The following MBD2 variants were observed in gnomAD, a reference collection of about 807,000 sequenced individuals.
MBD2 encodes methyl-CpG binding domain protein 2.
In MBD2, 9 loss-of-function variants were observed where a neutral mutation model predicts 39.3. That is an observed-to-expected ratio of 0.23 (90% CI 0.14 to 0.40). MBD2 has a LOEUF of 0.40. Among genes scored for constraint, MBD2 ranks in the 10% least tolerant of loss-of-function variants. The pLI is 1.00. For synonymous variants in MBD2, 233 were observed against 211.1 expected (o/e 1.10, Z -0.90); for missense variants, 458 against 532.6 (o/e 0.86, Z 1.38).
Position 54,189,026 on chromosome 18 carries a change from G to A in MBD2, c.703-15C>T, listed in dbSNP as rs758479176. The A allele has an allele frequency of 5.3e-6, 8 of 1,521,910 alleles. No homozygotes were observed. The highest frequency in any genetic ancestry group is 3.6e-5 in the Admixed American group (2 of 55,202). 94.3% of individuals were successfully genotyped at this position (1,521,910 alleles called of 1,614,324 possible). A position where few individuals can be genotyped will look rare whatever the true frequency, so the allele number is the denominator to read the frequency against. On this transcript the variant is annotated splice_polypyrimidine_tract_variant and intron_variant, in intron 2 of 6. Coordinates refer to ENST00000256429, the MANE Select transcript of MBD2 (RefSeq NM_003927.5). ...TCTGGTTTACCCTGTGAATATAAAT[G>A]TATTTTTATTTAAAATATTATATAT... is the stretch of plus-strand genomic sequence containing the variant.
intron 2 of MBD2, among the ~76,000 whole-genome samples, chr18:54,201,776 T>G (rs2086409652): frequency 6.8e-6 from 1 of 147,354 alleles, no homozygotes; most frequent in Non-Finnish European, 1.5e-5. Flanking sequence ...GGCAGGAGAA[T>G]GGCGTGAACC....
rs1432580616 is a variant in MBD2 at position 54,154,046 on chromosome 18, C to T, written c.*1278G>A. ...CATGTGGAATTGGTCATACCCCTGACTGCATCATTTAGGTTCTAATTTTAA... is the reference window on the plus strand; with the variant it reads ...CATGTGGAATTGGTCATACCCCTGATTGCATCATTTAGGTTCTAATTTTAA... On this transcript the variant is annotated 3_prime_UTR_variant, in exon 7 of 7. Transcript: ENST00000256429. The T allele has an allele frequency of 6.6e-6, 1 of 152,160 alleles. No homozygotes were observed. The highest frequency in any genetic ancestry group is 1.5e-5 in the Non-Finnish European group (1 of 68,020). 9.4% of individuals were successfully genotyped at this position (152,160 alleles called of 1,614,324 possible).
chr18:54,190,654 A>C (rs1253222062), intron 2 of MBD2, among the ~76,000 whole-genome samples: 1 of 152,216 alleles, frequency 6.6e-6, no homozygotes, highest in African/African-American at 2.4e-5. Context: ...GTGACCAGAA[A>C]TATGCCACAG....
chr18:54,168,609 A>T (rs2086154909), intron 3 of MBD2, among the ~76,000 whole-genome samples: 1 of 106,172 alleles, frequency 9.4e-6, no homozygotes, highest in Non-Finnish European at 1.8e-5. Context: ...TTATGTATGC[A>T]TATTTGTGTG....
chr18:54,214,003 C>CTT lies in MBD2; in HGVS notation c.543-8848_543-8847dup, dbSNP rs529774043. 3.1e-3 allele frequency among the ~76,000 whole-genome samples: 406 copies of CTT among 129,296 alleles called. 3 individuals are homozygous for CTT. Among genetic ancestry groups the CTT allele is most frequent in the African/African-American group, 0.011 (383 of 35,940 alleles). 84.8% of individuals were successfully genotyped at this position (129,296 alleles called of 152,430 possible). ...AGCAGTGGTTCTCTTTTCTTTCTTT[C>CTT]TTTTTTTTTTTTTTTTTTAACAACA... On this transcript the variant is annotated intron_variant, in intron 1 of 6. Coordinates refer to ENST00000256429, the MANE Select transcript of MBD2 (RefSeq NM_003927.5).
At chr18:54,178,316 A>C (rs1422367653) in intron 3 of MBD2, among the ~76,000 whole-genome samples, 1 of 152,224 alleles carries the variant, frequency 6.6e-6, no homozygotes, top group Non-Finnish European at 1.5e-5. Flanking sequence ...ATACCAAAAA[A>C]TAATCACAAA....
intron 4 of MBD2, among the ~76,000 whole-genome samples, chr18:54,165,499 C>T (rs1000264447): frequency 7.9e-5 from 12 of 152,222 alleles, no homozygotes; most frequent in Non-Finnish European, 1.8e-4. Flanking sequence ...AGTTTTAATA[C>T]TTGAAAAATA....
intron 1 of MBD2, among the ~76,000 whole-genome samples, chr18:54,209,621 T>C (rs1351509440): frequency 1.3e-5 from 2 of 152,220 alleles, no homozygotes; most frequent in African/African-American, 2.4e-5. Flanking sequence ...CTGTGGTGCT[T>C]TAAGGAAAGT....
chr18:54,212,100 T>G (rs1013368298), intron 1 of MBD2, among the ~76,000 whole-genome samples: 1 of 152,298 alleles, frequency 6.6e-6, no homozygotes, highest in East Asian at 1.9e-4. Context: ...AACCCTACTT[T>G]CCACTCTTAC....
Position 54,158,008 on chromosome 18 carries a change from A to C in MBD2, c.*12+1757T>G, listed in dbSNP as rs771070154. Among the ~76,000 whole-genome samples, 5 of 152,070 alleles carry C rather than the reference A, an allele frequency of 3.3e-5. No homozygotes were observed. In the East Asian group the frequency reaches 9.7e-4, roughly 29 times the overall value. On this transcript the variant is annotated intron_variant, in intron 6 of 6. Transcript: ENST00000256429. ...ATCCCAACTGGTCTCCTTGCTTCCAAGCTTTCCCTACTCCAATCCTTGTAT... is the reference window on the plus strand; with the variant it reads ...ATCCCAACTGGTCTCCTTGCTTCCACGCTTTCCCTACTCCAATCCTTGTAT...
In MBD2 at chr18:54,163,241, C is replaced by T. The variant is rs2086109228; in HGVS notation, c.1109+1282G>A. On this transcript the variant is annotated intron_variant, in intron 5 of 6. Coordinates refer to ENST00000256429, the MANE Select transcript of MBD2 (RefSeq NM_003927.5). ...GAGCTGAGTTTGTGCCACTCCACTCCAGCCTGGGCAACAGAGCAAAACTCT... is the reference window on the plus strand; with the variant it reads ...GAGCTGAGTTTGTGCCACTCCACTCTAGCCTGGGCAACAGAGCAAAACTCT... Among the ~76,000 whole-genome samples, 4 of 152,264 alleles carry T rather than the reference C, an allele frequency of 2.6e-5. No homozygotes were observed. In the South Asian group the frequency reaches 8.3e-4, roughly 32 times the overall value.
chr18:54,195,229 C>T (rs1316729395), intron 2 of MBD2, among the ~76,000 whole-genome samples: 1 of 152,044 alleles, frequency 6.6e-6, no homozygotes, highest in Non-Finnish European at 1.5e-5. Context: ...GTAAATACCA[C>T]TTTTTTTCAG....
chr18:54,204,514 C>T (rs1055854367), intron 2 of MBD2, among the ~76,000 whole-genome samples: 23 of 152,066 alleles, frequency 1.5e-4, no homozygotes, highest in African/African-American at 3.6e-4. Flanking sequence ...TAAAACTAAG[C>T]GCTAACGGAA....
chr18:54,189,156 T>C (rs1462714061), intron 2 of MBD2, 145 bp from the exon 3 acceptor site: 1 of 453,182 alleles, frequency 2.2e-6, no homozygotes, highest in Non-Finnish European at 3.7e-6. Flanking sequence ...CTAGGGTACA[T>C]GTTAAGCACC....
intron 1 of MBD2, among the ~76,000 whole-genome samples, chr18:54,220,985 G>C (rs962811624): frequency 1.3e-5 from 2 of 152,170 alleles, no homozygotes; most frequent in African/African-American, 2.4e-5. Context: ...TTTTGGCCCT[G>C]AATGAAACAG....
chr18:54,159,866 A>G lies in MBD2; in HGVS notation c.1147T>C (p.Leu383=). The G allele has an allele frequency of 6.2e-7, 1 of 1,612,886 alleles. No homozygotes were observed. The highest frequency in any genetic ancestry group is 8.5e-7 in the Non-Finnish European group (1 of 1,180,028). Residue 383 remains leucine, a synonymous_variant, in exon 6 of 7, where the codon TTG becomes CTG. Coordinates refer to ENST00000256429, the MANE Select transcript of MBD2 (RefSeq NM_003927.5). The stretch of plus-strand genomic sequence containing the variant: ...ATGTCTGCCATCAGTGCTTCTTCCA[A>G]TTTCTTGCGTACTTGCTGTACTCGC... ...EERVQQVRKK[L]EEALMADILS... is the part of the protein sequence containing the mutation.
At chr18:54,166,513 C>T (rs116138167) in intron 3 of MBD2, among the ~76,000 whole-genome samples, 1,833 of 152,174 alleles carry the variant, frequency 0.012, 50 homozygotes, top group African/African-American at 0.042. Context: ...TTTAATGCTA[C>T]GACTTATTAA....
At chr18:54,181,172 GATGTTGAGC>G (rs2086249759) in intron 3 of MBD2, among the ~76,000 whole-genome samples, 1 of 152,068 alleles carries the variant, frequency 6.6e-6, no homozygotes, top group African/African-American at 2.4e-5. Flanking sequence ...TGGGATTACA[GATGTTGAGC>G]CACTGCATCT....
chr18:54,179,054 G>A (rs1431221592), intron 3 of MBD2, among the ~76,000 whole-genome samples: 1 of 152,312 alleles, frequency 6.6e-6, no homozygotes, highest in East Asian at 1.9e-4. Flanking sequence ...GCCAGGCGTG[G>A]TGGTGTGCAC....
Sources: allele counts gnomAD v4.1 joint callset (sites outside exome capture counted in the v4.1 genomes callset), GRCh38; gene constraint gnomAD v4.1.1; transcripts MANE v1.5; gene names NCBI Gene and HGNC (gene_info 2026-07-23, HGNC 2026-07-21).